Variants in FAF1 observed in about 807,000 individuals in gnomAD.
FAF1 encodes Fas associated factor 1.
A neutral mutation model predicts 92.5 loss-of-function variants in FAF1; 25 were observed. That is an observed-to-expected ratio of 0.27 (90% CI 0.20 to 0.38). The LOEUF (loss-of-function observed/expected upper bound fraction) is 0.38, where lower values mean the gene tolerates loss of function less well. Ranked by LOEUF, FAF1 falls within the 10% of genes least tolerant of loss-of-function variation. FAF1 has a pLI of 1.00. For missense variants in FAF1, 636 were observed against 793.3 expected, an observed-to-expected ratio of 0.80 and a Z score of 2.38; for synonymous variants, 234 against 273.2, an observed-to-expected ratio of 0.86 and a Z score of 1.42.
At chr1:50,600,252 T>C (rs1052413601) in intron 8 of FAF1, among the ~76,000 whole-genome samples, 3 of 152,182 alleles carry the variant, frequency 2.0e-5, no homozygotes, top group African/African-American at 7.2e-5. Flanking sequence ...TATATTAATA[T>C]AATAGATGTG....
intron 1 of FAF1, among the ~76,000 whole-genome samples, chr1:50,948,555 CAG>C (rs1180352476): frequency 2.7e-4 from 39 of 143,216 alleles, no homozygotes; most frequent in African/African-American, 1.0e-3. Context: ...TTTTTTGAGG[CAG>C]AGTCTTGCTC....
intron 15 of FAF1, among the ~76,000 whole-genome samples, chr1:50,499,051 A>G (rs1049828372): frequency 1.3e-5 from 2 of 152,158 alleles, no homozygotes; most frequent in African/African-American, 4.8e-5. Context: ...CTATAAAAAG[A>G]TTTTAAATTC....
At position 50,596,176 on chromosome 1, in the gene FAF1, C is replaced by T. The variant is rs778807149; in HGVS notation, c.785G>A (p.Arg262Gln). The T allele has an allele frequency of 2.0e-5, 33 of 1,613,736 alleles. No homozygotes were observed. Among genetic ancestry groups the T allele is most frequent in the South Asian group, 1.4e-4 (13 of 91,054 alleles). Residue 262 changes from arginine (R) to glutamine (Q), a missense_variant, in exon 9 of 19, where the codon CGA becomes CAA. By Grantham distance (43) the Arg-to-Gln change is conservative (BLOSUM62 1). This residue lies in a region of FAF1 where 317 missense variants were observed against 342.4 expected (regional missense o/e 0.93). Coordinates refer to ENST00000396153, the MANE Select transcript of FAF1 (RefSeq NM_007051.3). ...AESGLSYPCH[R>Q]LTVGRRSSPA... ...TGAAGATCTTCTTCCCACTGTAAGT[C>T]GATGGCAGGGATAAGAGAGCCCTGA...
In FAF1 at chr1:50,677,457, C is replaced by T. The variant is rs1656172398; in HGVS notation, c.658-21929G>A. On this transcript the variant is annotated intron_variant, in intron 7 of 18. Transcript: ENST00000396153. Reference sequence around the variant, plus strand: ...TCTTATGTTTTACATTTCTGAATTCCTGAGTCATTTATAATAAAAATGACT... The same window carrying T: ...TCTTATGTTTTACATTTCTGAATTCTTGAGTCATTTATAATAAAAATGACT... Among the ~76,000 whole-genome samples the T allele has an allele frequency of 2.0e-5, 3 of 151,968 alleles. No individual in the cohort carries two copies. In the South Asian group the frequency reaches 6.2e-4, roughly 31 times the overall value.
At chr1:50,747,419 A>G (rs1290117719) in intron 4 of FAF1, among the ~76,000 whole-genome samples, 1 of 152,188 alleles carries the variant, frequency 6.6e-6, no homozygotes, top group African/African-American at 2.4e-5. Flanking sequence ...CTGGGTTTTG[A>G]ACTTGCACAA....
intron 11 of FAF1, 73 bp from the exon 12 acceptor site, chr1:50,582,772 G>T: frequency 3.2e-6 from 3 of 947,962 alleles, no homozygotes; most frequent in East Asian, 4.8e-5. Flanking sequence ...TCTAATCAAT[G>T]ACTTTTAAGT....
intron 17 of FAF1, among the ~76,000 whole-genome samples, chr1:50,477,324 A>G (rs1485024003): frequency 2.6e-5 from 4 of 152,174 alleles, no homozygotes; most frequent in Non-Finnish European, 5.9e-5. Flanking sequence ...CTGACACATA[A>G]TAGGCTTCAG....
intron 3 of FAF1, among the ~76,000 whole-genome samples, chr1:50,796,385 C>T (rs1204553015): frequency 1.3e-5 from 2 of 152,148 alleles, no homozygotes; most frequent in Non-Finnish European, 2.9e-5. Context: ...CTCTCCACAT[C>T]CTGCCAAAGC....
intron 7 of FAF1, among the ~76,000 whole-genome samples, chr1:50,691,335 C>T (rs1204129445): frequency 3.3e-5 from 5 of 151,820 alleles, no homozygotes; most frequent in African/African-American, 9.7e-5. Flanking sequence ...CTCCATCTCC[C>T]GGGTTCAAGT....
At chr1:50,597,880 G>A (rs922396791) in intron 8 of FAF1, among the ~76,000 whole-genome samples, 3 of 152,140 alleles carry the variant, frequency 2.0e-5, no homozygotes, top group African/African-American at 4.8e-5. Flanking sequence ...GATCCCTAAA[G>A]GAACTTTTTC....
chr1:50,669,559 T>TA (rs921157557), intron 7 of FAF1, among the ~76,000 whole-genome samples: 12 of 151,032 alleles, frequency 7.9e-5, no homozygotes, highest in Admixed American at 2.0e-4. Context: ...ATATAGTTGA[T>TA]AAAAAAAATT....
intron 18 of FAF1, chr1:50,451,685 G>C (rs1285394262): frequency 2.0e-5 from 4 of 200,808 alleles, no homozygotes; most frequent in Non-Finnish European, 2.7e-5. Context: ...GTGAAATTTA[G>C]TCATTCAATT....
intron 15 of FAF1, among the ~76,000 whole-genome samples, chr1:50,528,813 T>G (rs1647980700): frequency 6.6e-6 from 1 of 152,144 alleles, no homozygotes; most frequent in African/African-American, 2.4e-5. Context: ...AAGGCCAACC[T>G]CTCCTCCACC....
chr1:50,509,230 A>G (rs535574914), intron 15 of FAF1, among the ~76,000 whole-genome samples: 66 of 152,314 alleles, frequency 4.3e-4, no homozygotes, highest in African/African-American at 1.5e-3. Context: ...TGTAGTGAAA[A>G]AGAGAGAGAG....
chr1:50,796,049 A>AT (rs1661736215), intron 3 of FAF1, among the ~76,000 whole-genome samples: 1 of 151,898 alleles, frequency 6.6e-6, no homozygotes, highest in African/African-American at 2.4e-5. Context: ...AGGTAAAAAA[A>AT]CAACAACAAC....
chr1:50,595,010 C>G (rs1343851058), intron 9 of FAF1, among the ~76,000 whole-genome samples: 1 of 151,790 alleles, frequency 6.6e-6, no homozygotes, highest in African/African-American at 2.4e-5. Context: ...GCAACACTAT[C>G]ACTGCATTTT....
chr1:50,516,649 A>T (rs1164335765), intron 15 of FAF1, among the ~76,000 whole-genome samples: 1 of 152,220 alleles, frequency 6.6e-6, no homozygotes, highest in Non-Finnish European at 1.5e-5. Context: ...CTAAGAAGCA[A>T]ATGCAAAATG....
chr1:50,639,895 C>T (rs554604416), intron 8 of FAF1, among the ~76,000 whole-genome samples: 2 of 146,330 alleles, frequency 1.4e-5, no homozygotes, highest in Non-Finnish European at 3.0e-5. Flanking sequence ...AATCATGCCA[C>T]TGCACTCCAG....
chr1:50,753,636 A>G (rs921145566), intron 4 of FAF1, among the ~76,000 whole-genome samples: 5 of 152,184 alleles, frequency 3.3e-5, no homozygotes, highest in African/African-American at 1.2e-4. Flanking sequence ...CACAGTCTTC[A>G]ACTCTAGTTG....
Sources: allele counts gnomAD v4.1 joint callset (sites outside exome capture counted in the v4.1 genomes callset), GRCh38; gene constraint gnomAD v4.1.1; regional missense constraint gnomAD v4.1.1; transcripts MANE v1.5; gene names NCBI Gene and HGNC (gene_info 2026-07-23, HGNC 2026-07-21).